The following NOS1AP variants were observed in gnomAD, a reference collection of about 807,000 sequenced individuals.
NOS1AP encodes carboxyl-terminal PDZ ligand of neuronal nitric oxide synthase protein.
Under a neutral mutation model 56.2 loss-of-function variants are expected in NOS1AP, and 21 were observed. The observed-to-expected ratio is 0.37, with a 90% confidence interval of 0.26 to 0.54. NOS1AP has a LOEUF of 0.54. Among genes scored for constraint, NOS1AP ranks in the 20% least tolerant of loss-of-function variants. The pLI is 0.84. For missense variants in NOS1AP, 522 were observed against 657.8 expected, an observed-to-expected ratio of 0.79 and a Z score of 2.26; for synonymous variants, 270 against 274.6, an observed-to-expected ratio of 0.98 and a Z score of 0.17.
At chr1:162,102,391 A>G (rs1306029144) in intron 1 of NOS1AP, among the ~76,000 whole-genome samples, 1 of 152,174 alleles carries the variant, frequency 6.6e-6, no homozygotes, top group Non-Finnish European at 1.5e-5. Flanking sequence ...CATCAAGGAT[A>G]TTGGCCTGAA....
chr1:162,113,969 T>A (rs1369097477), intron 1 of NOS1AP, among the ~76,000 whole-genome samples: 1 of 152,154 alleles, frequency 6.6e-6, no homozygotes, highest in Non-Finnish European at 1.5e-5. Flanking sequence ...ACAGAAAGTT[T>A]GAAAACCCAG....
intron 4 of NOS1AP, among the ~76,000 whole-genome samples, chr1:162,330,777 T>C (rs1006477023): frequency 1.3e-5 from 2 of 152,206 alleles, no homozygotes; most frequent in African/African-American, 4.8e-5. Flanking sequence ...TACAGGATGT[T>C]GTAAAAATCC....
At chr1:162,102,865 A>AT (rs1352484184) in intron 1 of NOS1AP, among the ~76,000 whole-genome samples, 1 of 151,112 alleles carries the variant, frequency 6.6e-6, no homozygotes, top group Admixed American at 6.6e-5. Flanking sequence ...TATTTTATTA[A>AT]TTTTTTCAAA....
At chr1:162,139,441 G>A (rs1188602420) in intron 1 of NOS1AP, among the ~76,000 whole-genome samples, 1 of 152,218 alleles carries the variant, frequency 6.6e-6, no homozygotes, top group Non-Finnish European at 1.5e-5. Flanking sequence ...ACTGATGACA[G>A]GATGTCCACA....
chr1:162,189,156 A>G (rs1025321205), intron 2 of NOS1AP, among the ~76,000 whole-genome samples: 3 of 152,236 alleles, frequency 2.0e-5, no homozygotes, highest in South Asian at 2.1e-4. Flanking sequence ...TGATAGTTGT[A>G]TCATGTCATT....
At chr1:162,134,289 G>C (rs1416262037) in intron 1 of NOS1AP, among the ~76,000 whole-genome samples, 2 of 152,012 alleles carry the variant, frequency 1.3e-5, no homozygotes, top group African/African-American at 4.8e-5. Context: ...CCAGGAGTTT[G>C]AGACCAGCGT....
chr1:162,314,376 TA>T (rs1422201985), intron 4 of NOS1AP, among the ~76,000 whole-genome samples: 1 of 152,174 alleles, frequency 6.6e-6, no homozygotes, highest in East Asian at 1.9e-4. Context: ...CAAAATTAAA[TA>T]CTGTTTGCCA....
chr1:162,361,292 A>G (rs969461454), intron 8 of NOS1AP, among the ~76,000 whole-genome samples: 4 of 152,110 alleles, frequency 2.6e-5, no homozygotes, highest in African/African-American at 4.8e-5. Flanking sequence ...AAAAAATCCC[A>G]TCTGGTGGGG....
At chr1:162,314,159 T>A (rs780961438) in intron 4 of NOS1AP, among the ~76,000 whole-genome samples, 16 of 152,220 alleles carry the variant, frequency 1.1e-4, no homozygotes, top group Non-Finnish European at 2.4e-4. Flanking sequence ...CATAACCCTT[T>A]TGTATCTAAA....
intron 1 of NOS1AP, among the ~76,000 whole-genome samples, chr1:162,085,646 G>T (rs940320003): frequency 1.3e-5 from 2 of 152,004 alleles, no homozygotes; most frequent in African/African-American, 4.8e-5. Context: ...ATTCCTAAAT[G>T]CAGATGTAGA....
chr1:162,253,606 A>C (rs917442830), intron 2 of NOS1AP, among the ~76,000 whole-genome samples: 4 of 152,206 alleles, frequency 2.6e-5, no homozygotes, highest in African/African-American at 9.6e-5. Flanking sequence ...ATGTTTAAGC[A>C]TTCCCCATAA....
intron 1 of NOS1AP, among the ~76,000 whole-genome samples, chr1:162,092,607 A>T (rs1010780806): frequency 6.6e-6 from 1 of 152,212 alleles, no homozygotes; most frequent in Non-Finnish European, 1.5e-5. Flanking sequence ...AGAAGATAGT[A>T]ATTCAAATTT....
At chr1:162,301,827 A>G (rs1394840170) in intron 4 of NOS1AP, among the ~76,000 whole-genome samples, 2 of 152,208 alleles carry the variant, frequency 1.3e-5, no homozygotes, top group Non-Finnish European at 2.9e-5. Flanking sequence ...GCTTTTGTTG[A>G]CAAAGTGGAT....
At chr1:162,122,999 T>C (rs1202084937) in intron 1 of NOS1AP, among the ~76,000 whole-genome samples, 3 of 152,212 alleles carry the variant, frequency 2.0e-5, no homozygotes, top group Non-Finnish European at 4.4e-5. Flanking sequence ...TGCAGTTCTC[T>C]TTGTGCTTAG....
In NOS1AP at chr1:162,115,466, T is replaced by C. The variant is rs72713876; in HGVS notation, c.106-38939T>C. On this transcript the variant is annotated intron_variant, in intron 1 of 9. Coordinates refer to ENST00000361897, the MANE Select transcript of NOS1AP (RefSeq NM_014697.3). ...TCCAGGCCAACTGAACTGGGAGTTGTTGTAGGTTTTTGTGAGGGGATTCTT... is the reference window on the plus strand; with the variant it reads ...TCCAGGCCAACTGAACTGGGAGTTGCTGTAGGTTTTTGTGAGGGGATTCTT... Among the ~76,000 whole-genome samples the C allele has an allele frequency of 8.5e-3, 1,298 of 152,078 alleles. 11 individuals carry two copies. The highest frequency in any genetic ancestry group is 0.022 in the South Asian group (107 of 4,810).
In NOS1AP at chr1:162,141,062, G is replaced by A. The variant is rs185526692; in HGVS notation, c.106-13343G>A. Among the ~76,000 whole-genome samples the A allele has an allele frequency of 4.7e-4, 71 of 152,252 alleles. No homozygotes were observed. The Middle Eastern group carries it at 0.02, about 44-fold the overall frequency. On this transcript the variant is annotated intron_variant, in intron 1 of 9. Transcript: ENST00000361897. ...GCAAATATTTACTACCATTCTGTAG[G>A]TTGTTTGTTTACAGTCTCTTTTATT...
At chr1:162,362,444 CAAAAAAA>C (rs11314295) in intron 8 of NOS1AP, among the ~76,000 whole-genome samples, 4 of 134,400 alleles carry the variant, frequency 3.0e-5, no homozygotes, top group Admixed American at 7.3e-5. Flanking sequence ...GAGTGAGTCT[CAAAAAAA>C]AAAAAAAAAG....
At chr1:162,264,717 G>C (rs958577656) in intron 2 of NOS1AP, among the ~76,000 whole-genome samples, 2 of 149,922 alleles carry the variant, frequency 1.3e-5, no homozygotes, top group African/African-American at 4.9e-5. Context: ...ATGTTGACCA[G>C]GCTGGTCTCG....
In NOS1AP at chr1:162,245,799, A is replaced by G. The variant is rs572780558; in HGVS notation, c.178-41545A>G. Among the ~76,000 whole-genome samples, 9 of 152,328 alleles carry G rather than the reference A, an allele frequency of 5.9e-5. No homozygotes were observed. In the East Asian group the frequency reaches 1.5e-3, roughly 26 times the overall value. On this transcript the variant is annotated intron_variant, in intron 2 of 9. Transcript: ENST00000361897. ...TGGGTGTGTCAGAATGTCTTTAAGT[A>G]TTCTCTTTTGGCATCTGGATTTGGC...
Sources: gnomAD v4.1 joint callset for allele counts (sites outside exome capture counted in the v4.1 genomes callset) on GRCh38, gnomAD v4.1.1 for gene constraint, MANE v1.5 for transcripts, NCBI Gene and HGNC (gene_info 2026-07-23, HGNC 2026-07-21) for gene names.